Variants in GRHL2 observed in about 807,000 individuals in gnomAD.
GRHL2 encodes the protein grainyhead-like protein 2 homolog.
GRHL2 carries 21 observed loss-of-function variants against 83.8 expected under a neutral mutation model. That is an observed-to-expected ratio of 0.25 (90% CI 0.18 to 0.36). The LOEUF (loss-of-function observed/expected upper bound fraction) is 0.36. Among genes scored for constraint, GRHL2 ranks in the 10% least tolerant of loss-of-function variants. The pLI is 1.00. For synonymous variants in GRHL2, 280 were observed against 278.9 expected (o/e 1.00, Z -0.04); for missense variants, 623 against 781.8 (o/e 0.80, Z 2.42).
intron 1 of GRHL2, among the ~76,000 whole-genome samples, chr8:101,533,012 A>G (rs1810970558): frequency 6.6e-6 from 1 of 152,168 alleles, no homozygotes; most frequent in South Asian, 2.1e-4. Flanking sequence ...CAGGTAGACG[A>G]AAGGAATTCT....
At chr8:101,521,014 C>T (rs912052160) in intron 1 of GRHL2, among the ~76,000 whole-genome samples, 1 of 152,102 alleles carries the variant, frequency 6.6e-6, no homozygotes, top group African/African-American at 2.4e-5. Flanking sequence ...CTGAGTTCTT[C>T]GTGATGAATA....
intron 1 of GRHL2, among the ~76,000 whole-genome samples, chr8:101,509,573 A>G (rs924993587): frequency 6.6e-5 from 10 of 152,116 alleles, no homozygotes; most frequent in Admixed American, 6.6e-4. Flanking sequence ...TCAGGAGCTC[A>G]TTATCTGGTT....
chr8:101,604,213 A>T (rs1055898912), intron 8 of GRHL2, among the ~76,000 whole-genome samples: 2 of 152,090 alleles, frequency 1.3e-5, no homozygotes, highest in African/African-American at 4.8e-5. Context: ...CCAAACACCG[A>T]TACCTAAGAA....
At chr8:101,570,939 C>G (rs1811808477) in intron 5 of GRHL2, among the ~76,000 whole-genome samples, 1 of 152,218 alleles carries the variant, frequency 6.6e-6, no homozygotes, top group Non-Finnish European at 1.5e-5. Flanking sequence ...CATTGGATCT[C>G]CCTGCCAACA....
At chr8:101,590,075 A>G (rs1812247474) in intron 7 of GRHL2, among the ~76,000 whole-genome samples, 1 of 152,180 alleles carries the variant, frequency 6.6e-6, no homozygotes. Context: ...TGAAGTATGT[A>G]TGTTTAGCAC....
At chr8:101,547,642 C>T (rs985308384) in intron 2 of GRHL2, among the ~76,000 whole-genome samples, 9 of 152,176 alleles carry the variant, frequency 5.9e-5, no homozygotes, top group Non-Finnish European at 1.3e-4. Context: ...TGGGATTTAC[C>T]CAAGATCACA....
At chr8:101,508,063 G>A (rs1329708847) in intron 1 of GRHL2, among the ~76,000 whole-genome samples, 1 of 152,056 alleles carries the variant, frequency 6.6e-6, no homozygotes, top group Non-Finnish European at 1.5e-5. Flanking sequence ...TTGGATTACA[G>A]GCGTGAGCCA....
chr8:101,675,208 G>A, the GRHL2 span, among the ~76,000 whole-genome samples: 1 of 152,090 alleles, frequency 6.6e-6, no homozygotes, highest in Non-Finnish European at 1.5e-5. Flanking sequence ...GTTCTGGCCA[G>A]GGCAATTAGG....
chr8:101,524,858 A>C (rs1327695353), intron 1 of GRHL2, among the ~76,000 whole-genome samples: 1 of 152,070 alleles, frequency 6.6e-6, no homozygotes. Flanking sequence ...CCATTTTCAT[A>C]TATTATAATT....
intron 4 of GRHL2, among the ~76,000 whole-genome samples, chr8:101,561,052 C>A (rs1339241693): frequency 6.6e-6 from 1 of 151,862 alleles, no homozygotes; most frequent in Non-Finnish European, 1.5e-5. Context: ...AGAAATCTTT[C>A]CCTAACCCAA....
At chr8:101,630,848 C>T (rs1353253370) in intron 9 of GRHL2, among the ~76,000 whole-genome samples, 1 of 152,046 alleles carries the variant, frequency 6.6e-6, no homozygotes, top group Non-Finnish European at 1.5e-5. Context: ...GTTCTCAAAG[C>T]TCATATAGAG....
chr8:101,675,466 C>A, the GRHL2 span, among the ~76,000 whole-genome samples: 1,074 of 152,002 alleles, frequency 7.1e-3, 19 homozygotes, highest in African/African-American at 0.024. Flanking sequence ...ACAACTGCTT[C>A]AGAGAGAATA....
At chr8:101,615,708 T>G (rs573405797) in intron 8 of GRHL2, among the ~76,000 whole-genome samples, 1 of 152,146 alleles carries the variant, frequency 6.6e-6, no homozygotes, top group African/African-American at 2.4e-5. Context: ...TAACCTAAAG[T>G]TTAGTGTTTG....
chr8:101,579,857 A>G (rs10481099), intron 7 of GRHL2, among the ~76,000 whole-genome samples: 20,086 of 152,178 alleles, frequency 0.13, 2,723 homozygotes, highest in African/African-American at 0.34. Context: ...CACTAGGACT[A>G]TCATGGAGGG....
intron 1 of GRHL2, among the ~76,000 whole-genome samples, chr8:101,504,172 C>G (rs1355280259): frequency 6.6e-6 from 1 of 152,114 alleles, no homozygotes; most frequent in Admixed American, 6.5e-5. Context: ...AAATCCCTGC[C>G]CTCTCCTCTC....
chr8:101,674,370 G>A (rs1165599332), downstream of GRHL2, among the ~76,000 whole-genome samples: 1 of 152,098 alleles, frequency 6.6e-6, no homozygotes, highest in Non-Finnish European at 1.5e-5. Context: ...AAATGATAAA[G>A]GGGATGTCAC....
At chr8:101,673,731 C>T (rs1202822801), downstream of GRHL2, among the ~76,000 whole-genome samples, 1 of 152,006 alleles carries the variant, frequency 6.6e-6, no homozygotes, top group African/African-American at 2.4e-5. Flanking sequence ...CAGAACTCTC[C>T]ACCCCAAATC....
intron 7 of GRHL2, among the ~76,000 whole-genome samples, chr8:101,579,616 G>A (rs1812008064): frequency 6.6e-6 from 1 of 152,102 alleles, no homozygotes; most frequent in African/African-American, 2.4e-5. Flanking sequence ...ATCTCAACCT[G>A]ACATCTGCTC....
chr8:101,576,671 A>G (rs1458134324), intron 6 of GRHL2, among the ~76,000 whole-genome samples: 6 of 152,256 alleles, frequency 3.9e-5, no homozygotes, highest in African/African-American at 1.2e-4. Flanking sequence ...TGTTTTTGGT[A>G]CTGTCTCCAT....
Sources: allele counts gnomAD v4.1 joint callset (sites outside exome capture counted in the v4.1 genomes callset), GRCh38; gene constraint gnomAD v4.1.1; transcripts MANE v1.5; gene names NCBI Gene and HGNC (gene_info 2026-07-23, HGNC 2026-07-21).